GNA12: variants seen among roughly 807,000 people sequenced by gnomAD.
The protein encoded by GNA12 is G protein subunit alpha 12.
GNA12 carries 9 observed loss-of-function variants against 26.0 expected under a neutral mutation model. The observed-to-expected ratio is 0.35, with a 90% CI of 0.21 to 0.60. GNA12 has a LOEUF of 0.60. Ranked by LOEUF, GNA12 falls within the 20% of genes least tolerant of loss-of-function variation. The probability of loss-of-function intolerance (pLI) is 0.78; values close to 1 mark genes in which losing one functional copy is unlikely to be tolerated. For synonymous variants in GNA12, 264 were observed against 219.6 expected (o/e 1.20, Z -1.79); for missense variants, 405 against 525.8 (o/e 0.77, Z 2.25).
intron 1 of GNA12, among the ~76,000 whole-genome samples, chr7:2,829,464 A>G (rs1793553832): frequency 6.6e-6 from 1 of 152,140 alleles, no homozygotes; most frequent in Non-Finnish European, 1.5e-5. Flanking sequence ...GTTCATTACT[A>G]TTCAGTTCCT....
chr7:2,757,917 G>A (rs1791379799), intron 2 of GNA12, among the ~76,000 whole-genome samples: 1 of 152,014 alleles, frequency 6.6e-6, no homozygotes, highest in African/African-American at 2.4e-5. Flanking sequence ...ACTCCTGTTC[G>A]CTGTCCCCAC....
Position 2,844,090 on chromosome 7 carries a change from C to T in GNA12, c.72G>A (p.Arg24=). The T allele has an allele frequency of 1.9e-5, 19 of 1,017,960 alleles. No individual in the cohort carries two copies. Among genetic ancestry groups the T allele is most frequent in the Non-Finnish European group, 2.2e-5 (19 of 853,744 alleles). 63.1% of individuals were successfully genotyped at this position (1,017,960 alleles called of 1,614,324 possible). Residue 24 remains arginine, a synonymous_variant, in exon 1 of 4, where the codon AGG becomes AGA. Transcript: ENST00000275364. ...PAEAGGARER[R]AGSGARDAER... ...CCGCGTCGCGCGCGCCGCTGCCCGC[C>T]CTGCGCTCGCGGGCCCCGCCGGCCT...
intron 2 of GNA12, among the ~76,000 whole-genome samples, chr7:2,741,719 T>C (rs931680658): frequency 3.9e-5 from 6 of 151,984 alleles, no homozygotes; most frequent in Non-Finnish European, 8.8e-5. Flanking sequence ...AAATCCGTCA[T>C]CATTTGAGAG....
chr7:2,815,096 G>T, intron 1 of GNA12: 2 of 1,175,024 alleles, frequency 1.7e-6, no homozygotes, highest in African/African-American at 1.5e-5. Context: ...GAACCAGACA[G>T]ACAAGGCCTT....
chr7:2,832,321 C>T (rs1156387778), intron 1 of GNA12, among the ~76,000 whole-genome samples: 2 of 152,184 alleles, frequency 1.3e-5, no homozygotes, highest in Non-Finnish European at 2.9e-5. Flanking sequence ...CTCCTCCACT[C>T]ACTACCATAC....
chr7:2,774,350 G>A (rs1792022836), intron 2 of GNA12, among the ~76,000 whole-genome samples: 2 of 152,134 alleles, frequency 1.3e-5, no homozygotes, highest in African/African-American at 4.8e-5. Flanking sequence ...GGTAGTGGTG[G>A]GTGCGGTTTT....
chr7:2,823,272 C>T (rs1182198), intron 1 of GNA12, among the ~76,000 whole-genome samples: 33,837 of 152,060 alleles, frequency 0.22, 4,519 homozygotes, highest in Non-Finnish European at 0.28. Flanking sequence ...TTCCCCAGCT[C>T]TACAGAGACA....
At chr7:2,739,706 G>C (rs147111835) in intron 2 of GNA12, among the ~76,000 whole-genome samples, 6 of 152,072 alleles carry the variant, frequency 3.9e-5, no homozygotes, top group Admixed American at 2.6e-4. Flanking sequence ...ATGGAGTCTC[G>C]CCCCGTTGCT....
chr7:2,830,738 C>G (rs1793586885), intron 1 of GNA12, among the ~76,000 whole-genome samples: 1 of 152,178 alleles, frequency 6.6e-6, no homozygotes, highest in Admixed American at 6.5e-5. Flanking sequence ...TACAGGTTTA[C>G]TCGGAGGATC....
intron 2 of GNA12, among the ~76,000 whole-genome samples, chr7:2,758,572 T>C (rs548739956): frequency 6.6e-6 from 1 of 151,866 alleles, no homozygotes; most frequent in Non-Finnish European, 1.5e-5. Context: ...CAAAGGGAGG[T>C]GATCTTGGTG....
chr7:2,839,961 G>A (rs1025425917), intron 1 of GNA12, among the ~76,000 whole-genome samples: 5 of 152,184 alleles, frequency 3.3e-5, no homozygotes, highest in African/African-American at 1.2e-4. Flanking sequence ...TTGTGCCACT[G>A]CACTCCAGCC....
chr7:2,769,582 A>G (rs1458571657), intron 2 of GNA12, among the ~76,000 whole-genome samples: 2 of 151,898 alleles, frequency 1.3e-5, no homozygotes, highest in Non-Finnish European at 2.9e-5. Context: ...AAATACAAAA[A>G]ATTAGCCGGG....
chr7:2,792,119 C>T (rs886460950), intron 2 of GNA12, among the ~76,000 whole-genome samples: 2 of 152,204 alleles, frequency 1.3e-5, no homozygotes, highest in Non-Finnish European at 1.5e-5. Context: ...GCCAAGTGCA[C>T]GTCTAGATTA....
intron 2 of GNA12, among the ~76,000 whole-genome samples, chr7:2,790,150 T>C (rs558184257): frequency 1.3e-5 from 2 of 152,360 alleles, no homozygotes; most frequent in East Asian, 1.9e-4. Context: ...TCATTCTACC[T>C]GCCTTTAGAA....
intron 2 of GNA12, among the ~76,000 whole-genome samples, chr7:2,768,438 G>C (rs150089132): frequency 6.6e-6 from 1 of 152,218 alleles, no homozygotes; most frequent in Admixed American, 6.5e-5. Context: ...CTGCTTCAGA[G>C]AACTCAGAAA....
chr7:2,827,923 A>AT (rs3837080), intron 1 of GNA12, among the ~76,000 whole-genome samples: 42,434 of 151,934 alleles, frequency 0.28, 6,127 homozygotes, highest in Non-Finnish European at 0.29. Flanking sequence ...TTTATTTAAA[A>AT]TTTTTTTTAA....
intron 2 of GNA12, among the ~76,000 whole-genome samples, chr7:2,738,272 G>A (rs1325504525): frequency 2.0e-5 from 3 of 146,794 alleles, no homozygotes; most frequent in African/African-American, 2.5e-5. Flanking sequence ...AAAACAGAGT[G>A]AGGCTCCATC....
In GNA12 at chr7:2,757,178, C is replaced by T. The variant is rs180882265; in HGVS notation, c.526-23677G>A. On this transcript the variant is annotated intron_variant, in intron 2 of 3. Coordinates refer to ENST00000275364, the MANE Select transcript of GNA12 (RefSeq NM_007353.3). ...TGAGACGGAGTCTTGCTCTGTCACC[C>T]AGGCTGGAGTGTAGTGGCACGATCT... Among the ~76,000 whole-genome samples, 178 of 142,584 alleles carry T rather than the reference C, an allele frequency of 1.2e-3. 1 individual carries two copies. Among genetic ancestry groups the T allele is most frequent in the African/African-American group, 4.4e-3 (164 of 37,298 alleles). The allele number at this position is 142,584 out of a possible 152,430, so 93.5% of individuals were successfully genotyped here. A position where few individuals can be genotyped will look rare whatever the true frequency, so the allele number is the denominator to read the frequency against.
At chr7:2,744,650 C>T (rs576114769) in intron 2 of GNA12, among the ~76,000 whole-genome samples, 171 of 152,248 alleles carry the variant, frequency 1.1e-3, no homozygotes, top group African/African-American at 3.6e-3. Context: ...TCACCAGCAA[C>T]GGAACAAAGC....
Sources: gnomAD v4.1 joint callset for allele counts (sites outside exome capture counted in the v4.1 genomes callset) on GRCh38, gnomAD v4.1.1 for gene constraint, MANE v1.5 for transcripts, NCBI Gene and HGNC (gene_info 2026-07-23, HGNC 2026-07-21) for gene names.